CPQ: variants seen among roughly 807,000 people sequenced by gnomAD.
CPQ encodes the protein Ser-Met dipeptidase.
CPQ carries 37 observed loss-of-function variants against 45.7 expected under a neutral mutation model. The ratio of observed to expected loss-of-function variants is 0.81; its 90% confidence interval spans 0.62 to 1.07. The LOEUF (loss-of-function observed/expected upper bound fraction) is 1.07, where lower values mean the gene tolerates loss of function less well. Among genes scored for constraint, CPQ ranks in the 50% least tolerant of loss-of-function variants. CPQ has a pLI of 0.00. For synonymous variants in CPQ, 186 were observed against 205.8 expected (o/e 0.90, Z 0.82); for missense variants, 537 against 572.9 (o/e 0.94, Z 0.64).
chr8:96,973,056 A>C (rs1813707685), intron 5 of CPQ, among the ~76,000 whole-genome samples: 1 of 152,196 alleles, frequency 6.6e-6, no homozygotes, highest in Admixed American at 6.5e-5. Context: ...TGCCAGAAAT[A>C]GAATTCAGAA....
At chr8:96,930,122 AG>A (rs112273274) in intron 4 of CPQ, among the ~76,000 whole-genome samples, 18 of 152,218 alleles carry the variant, frequency 1.2e-4, no homozygotes, top group African/African-American at 4.1e-4. Context: ...ATGAAAATAC[AG>A]TCTCATCTTC....
At chr8:97,056,245 G>A (rs965823964) in intron 6 of CPQ, among the ~76,000 whole-genome samples, 19 of 152,176 alleles carry the variant, frequency 1.2e-4, no homozygotes, top group Non-Finnish European at 1.6e-4. Flanking sequence ...GGATATGAGT[G>A]TAGAATTCAG....
chr8:96,734,538 C>T (rs1328320309), intron 1 of CPQ, among the ~76,000 whole-genome samples: 2 of 151,738 alleles, frequency 1.3e-5, no homozygotes, highest in Admixed American at 1.3e-4. Context: ...GGTGAAACTC[C>T]ATCTCTACTA....
intron 1 of CPQ, among the ~76,000 whole-genome samples, chr8:96,673,023 T>A (rs1809027506): frequency 6.6e-6 from 1 of 151,988 alleles, no homozygotes; most frequent in Non-Finnish European, 1.5e-5. Context: ...GAACAGTTAC[T>A]ACCAAGGTAC....
At chr8:96,933,821 AATGGCTT>A (rs72011161) in intron 4 of CPQ, among the ~76,000 whole-genome samples, 12,044 of 152,140 alleles carry the variant, frequency 0.079, 903 homozygotes, top group African/African-American at 0.2. Context: ...AAGAAAAAAA[AATGGCTT>A]CACAACCAGA....
chr8:96,764,601 T>C (rs1411528267), intron 1 of CPQ, among the ~76,000 whole-genome samples: 1 of 152,108 alleles, frequency 6.6e-6, no homozygotes, highest in Non-Finnish European at 1.5e-5. Flanking sequence ...GCTAAAAAAG[T>C]GATAAAAAAC....
intron 1 of CPQ, among the ~76,000 whole-genome samples, chr8:96,768,686 C>T (rs1810499697): frequency 6.6e-6 from 1 of 152,128 alleles, no homozygotes; most frequent in Non-Finnish European, 1.5e-5. Flanking sequence ...TCATATATGC[C>T]TGTTTGACAG....
Position 97,136,399 on chromosome 8 carries a change from G to A in CPQ, c.1256-6621G>A, listed in dbSNP as rs537655099. On this transcript the variant is annotated intron_variant, in intron 7 of 7. Coordinates refer to ENST00000220763, the MANE Select transcript of CPQ (RefSeq NM_016134.4). ...TGATATAGATTGGCTCATCTTTGTG[G>A]CTGTATAACAACTATAATAAAGAAT... 2.0e-4 allele frequency among the ~76,000 whole-genome samples: 31 copies of A among 152,280 alleles called. No homozygotes were observed. In the South Asian group the frequency reaches 6.4e-3, roughly 32 times the overall value.
At chr8:96,748,812 T>C (rs185383761) in intron 1 of CPQ, among the ~76,000 whole-genome samples, 34 of 152,334 alleles carry the variant, frequency 2.2e-4, no homozygotes, top group African/African-American at 7.9e-4. Flanking sequence ...ATTCCATTTA[T>C]GGAGCACTGG....
intron 4 of CPQ, among the ~76,000 whole-genome samples, chr8:96,908,140 G>C (rs1224871455): frequency 6.9e-6 from 1 of 144,692 alleles, no homozygotes; most frequent in African/African-American, 2.5e-5. Flanking sequence ...GTGTGTGTGT[G>C]TGTCTGTGTG....
intron 4 of CPQ, among the ~76,000 whole-genome samples, chr8:96,909,609 G>A (rs1313911199): frequency 2.6e-5 from 4 of 152,112 alleles, no homozygotes; most frequent in Non-Finnish European, 4.4e-5. Flanking sequence ...CACAGTATTG[G>A]AAACCAGTGG....
chr8:96,666,744 C>T (rs767360844), intron 1 of CPQ, among the ~76,000 whole-genome samples: 12 of 152,164 alleles, frequency 7.9e-5, no homozygotes, highest in Non-Finnish European at 1.5e-4. Context: ...TAGCAGCTCT[C>T]GTACACCATG....
At chr8:97,099,161 G>A (rs1013008687) in intron 7 of CPQ, among the ~76,000 whole-genome samples, 5 of 105,748 alleles carry the variant, frequency 4.7e-5, no homozygotes, top group South Asian at 3.3e-4. Context: ...GTCTCACTCC[G>A]TTGCCCACTA....
intron 5 of CPQ, among the ~76,000 whole-genome samples, chr8:96,983,701 T>C (rs1177902873): frequency 5.3e-5 from 8 of 152,282 alleles, no homozygotes; most frequent in Non-Finnish European, 1.0e-4. Context: ...CTTAGCTCTA[T>C]GTAGTTTGGG....
At chr8:96,727,586 A>G (rs1182694575) in intron 1 of CPQ, among the ~76,000 whole-genome samples, 1 of 152,130 alleles carries the variant, frequency 6.6e-6, no homozygotes, top group East Asian at 1.9e-4. Flanking sequence ...CCTAGCTTGC[A>G]CCTACATGTT....
At chr8:96,943,137 T>C (rs1432195123) in intron 4 of CPQ, among the ~76,000 whole-genome samples, 1 of 152,140 alleles carries the variant, frequency 6.6e-6, no homozygotes, top group African/African-American at 2.4e-5. Flanking sequence ...CAAATCCTCT[T>C]TCTTTGGAAA....
chr8:97,060,241 A>G (rs1348377252), intron 6 of CPQ, among the ~76,000 whole-genome samples: 3 of 152,178 alleles, frequency 2.0e-5, no homozygotes, highest in Admixed American at 6.6e-5. Context: ...TAAAACATGC[A>G]ATATGTATTT....
intron 6 of CPQ, among the ~76,000 whole-genome samples, chr8:97,058,773 T>G (rs578138181): frequency 2.0e-5 from 3 of 152,268 alleles, no homozygotes; most frequent in African/African-American, 4.8e-5. Context: ...GAATCAAAAT[T>G]TAATTGTGAG....
chr8:96,823,428 A>G (rs1353382763), intron 2 of CPQ, among the ~76,000 whole-genome samples: 1 of 151,974 alleles, frequency 6.6e-6, no homozygotes, highest in African/African-American at 2.4e-5. Flanking sequence ...GACATTGTGA[A>G]TCTTCTGCCT....
Sources: allele counts gnomAD v4.1 joint callset (sites outside exome capture counted in the v4.1 genomes callset), GRCh38; gene constraint gnomAD v4.1.1; transcripts MANE v1.5; gene names NCBI Gene and HGNC (gene_info 2026-07-23, HGNC 2026-07-21).